Variants in SNAP91 observed in about 807,000 individuals in gnomAD.
The protein encoded by SNAP91 is synaptosome associated protein 91, also known as clathrin coat assembly protein AP180.
In SNAP91, 27 loss-of-function variants were observed where a neutral mutation model predicts 100.3. The observed-to-expected ratio is 0.27, with a 90% CI of 0.20 to 0.37. The LOEUF (loss-of-function observed/expected upper bound fraction) is 0.37, where lower values mean the gene tolerates loss of function less well. Ranked by LOEUF, SNAP91 falls within the 10% of genes least tolerant of loss-of-function variation. The pLI is 1.00. For missense variants in SNAP91, 986 were observed against 1,123.7 expected, an observed-to-expected ratio of 0.88 and a Z score of 1.75; for synonymous variants, 404 against 398.6, an observed-to-expected ratio of 1.01 and a Z score of -0.16.
chr6:83,610,624 A>T (rs776922581), intron 12 of SNAP91, 26 bp downstream of exon 12: 35 of 605,742 alleles, frequency 5.8e-5, no homozygotes, highest in Middle Eastern at 5.2e-4. Flanking sequence ...AAAAACAAAA[A>T]CCCCCAAACA....
Position 83,594,852 on chromosome 6 carries a change from A to G in SNAP91, c.1325-371T>C, listed in dbSNP as rs183997613. Among the ~76,000 whole-genome samples the G allele has an allele frequency of 2.6e-4, 40 of 152,352 alleles. No homozygotes were observed. In the East Asian group the frequency reaches 6.4e-3, roughly 24 times the overall value. On this transcript the variant is annotated intron_variant, in intron 16 of 29. Transcript: ENST00000369694. ...TTTAAGACATTAAACTTTCATGTCC[A>G]GGTAACACTGATTCACTGTTATTAA...
chr6:83,596,096 C>G (rs1384077620), intron 16 of SNAP91, among the ~76,000 whole-genome samples: 1 of 152,022 alleles, frequency 6.6e-6, no homozygotes, highest in African/African-American at 2.4e-5. Context: ...GCTCTGTTGC[C>G]CAGGCTGGAG....
chr6:83,682,702 T>G (rs1334650488), intron 2 of SNAP91, among the ~76,000 whole-genome samples: 1 of 151,836 alleles, frequency 6.6e-6, no homozygotes, highest in Non-Finnish European at 1.5e-5. Flanking sequence ...CATTTAGCAT[T>G]AGGTATATCT....
chr6:83,684,391 C>T (rs907246003), intron 2 of SNAP91, among the ~76,000 whole-genome samples: 15 of 152,172 alleles, frequency 9.9e-5, no homozygotes, highest in African/African-American at 3.4e-4. Context: ...AACAAGAACC[C>T]CCATGCTCTT....
At chr6:83,651,452 CATT>C (rs1473880110) in intron 7 of SNAP91, among the ~76,000 whole-genome samples, 1 of 152,114 alleles carries the variant, frequency 6.6e-6, no homozygotes, top group Non-Finnish European at 1.5e-5. Flanking sequence ...TTTTCAGCAT[CATT>C]TAGTTCAAAA....
chr6:83,601,687 G>C, intron 14 of SNAP91, 88 bp from the exon 15 acceptor site: 1 of 1,272,110 alleles, frequency 7.9e-7, no homozygotes, highest in Middle Eastern at 1.9e-4. Flanking sequence ...GCCAGATAAG[G>C]CACTAACTAA....
chr6:83,586,036 G>A (rs563398262), intron 22 of SNAP91, among the ~76,000 whole-genome samples: 4 of 152,092 alleles, frequency 2.6e-5, no homozygotes, highest in East Asian at 3.9e-4. Flanking sequence ...TTTTAGTAGA[G>A]ATGGGGTTTC....
At chr6:83,612,466 C>A (rs909829388) in intron 11 of SNAP91, among the ~76,000 whole-genome samples, 8 of 152,088 alleles carry the variant, frequency 5.3e-5, no homozygotes, top group Admixed American at 4.6e-4. Flanking sequence ...AACATAGAAG[C>A]CTTTGGTATG....
At chr6:83,623,463 T>C (rs951538990) in intron 8 of SNAP91, 121 bp from the exon 9 acceptor site, 2 of 696,840 alleles carry the variant, frequency 2.9e-6, no homozygotes, top group Admixed American at 4.4e-5. Context: ...AATTATTTTA[T>C]GTATCACTCT....
chr6:83,563,547 G>C (rs1791750769), intron 26 of SNAP91, among the ~76,000 whole-genome samples: 1 of 152,148 alleles, frequency 6.6e-6, no homozygotes, highest in Non-Finnish European at 1.5e-5. Context: ...AGGTGGGAAA[G>C]AAAGAATGAA....
chr6:83,577,896 T>G (rs1406108728), intron 24 of SNAP91, among the ~76,000 whole-genome samples: 1 of 152,124 alleles, frequency 6.6e-6, no homozygotes, highest in Non-Finnish European at 1.5e-5. Flanking sequence ...CCTCAGCCCC[T>G]TGAAGCCCCA....
intron 8 of SNAP91, among the ~76,000 whole-genome samples, chr6:83,626,520 A>G (rs2096936442): frequency 6.6e-6 from 1 of 151,950 alleles, no homozygotes. Context: ...TGTTTGTGTC[A>G]TCTCTGACTT....
At chr6:83,569,914 T>G (rs1803636153) in intron 26 of SNAP91, among the ~76,000 whole-genome samples, 1 of 152,044 alleles carries the variant, frequency 6.6e-6, no homozygotes, top group Non-Finnish European at 1.5e-5. Context: ...CATGAAACCT[T>G]TTTTTTTGTA....
chr6:83,672,283 G>A (rs2098798760), intron 2 of SNAP91, among the ~76,000 whole-genome samples: 1 of 152,096 alleles, frequency 6.6e-6, no homozygotes, highest in African/African-American at 2.4e-5. Flanking sequence ...AAATAGAAGA[G>A]AGGCTTTGAT....
chr6:83,650,543 G>T (rs542414517), intron 7 of SNAP91, among the ~76,000 whole-genome samples: 1 of 152,224 alleles, frequency 6.6e-6, no homozygotes, highest in African/African-American at 2.4e-5. Context: ...TCAGCCTCCT[G>T]AGTAGCTGGG....
intron 8 of SNAP91, among the ~76,000 whole-genome samples, chr6:83,638,747 T>C (rs1194970330): frequency 1.3e-5 from 2 of 152,196 alleles, no homozygotes; most frequent in African/African-American, 4.8e-5. Flanking sequence ...ATTGCTATTT[T>C]TATTGCTCTG....
chr6:83,704,769 A>G (rs2129066163), intron 2 of SNAP91, among the ~76,000 whole-genome samples: 1 of 152,270 alleles, frequency 6.6e-6, no homozygotes, highest in African/African-American at 2.4e-5. Flanking sequence ...TTATATACAA[A>G]TCAAACTAGT....
chr6:83,635,353 G>A (rs994504524), intron 8 of SNAP91, among the ~76,000 whole-genome samples: 4 of 152,110 alleles, frequency 2.6e-5, no homozygotes, highest in Admixed American at 1.3e-4. Flanking sequence ...GGATAGTTAA[G>A]TCTTTTTCCC....
intron 28 of SNAP91, among the ~76,000 whole-genome samples, chr6:83,559,257 A>G (rs1783500696): frequency 6.6e-6 from 1 of 152,188 alleles, no homozygotes; most frequent in South Asian, 2.1e-4. Flanking sequence ...GGGGTTGAAG[A>G]TTGAGTTCCA....
Sources: allele counts gnomAD v4.1 joint callset (sites outside exome capture counted in the v4.1 genomes callset), GRCh38; gene constraint gnomAD v4.1.1; transcripts MANE v1.5; gene names NCBI Gene and HGNC (gene_info 2026-07-23, HGNC 2026-07-21).